ANO7: variants seen among roughly 807,000 people sequenced by gnomAD.
ANO7 encodes the protein anoctamin-7.
Under a neutral mutation model 115.8 loss-of-function variants are expected in ANO7, and 114 were observed. That is an observed-to-expected ratio of 0.98 (90% CI 0.85 to 1.15). The LOEUF (loss-of-function observed/expected upper bound fraction) is 1.15. Among genes scored for constraint, ANO7 ranks in the 50% most tolerant of loss-of-function variants. The pLI is 0.00. For synonymous variants in ANO7, 550 were observed against 498.2 expected (o/e 1.10, Z -1.38); for missense variants, 1,302 against 1,201.2 (o/e 1.08, Z -1.24).
chr2:241,236,865 C>T, the ANO7 span: 3 of 1,328,502 alleles, frequency 2.3e-6, no homozygotes, highest in African/African-American at 1.5e-5. Context: ...CTGCTGGGTG[C>T]TGGGTGGTAA....
intron 4 of ANO7, among the ~76,000 whole-genome samples, chr2:241,197,756 T>G (rs971901569): frequency 6.6e-6 from 1 of 151,896 alleles, no homozygotes; most frequent in Non-Finnish European, 1.5e-5. Context: ...GTTCAAGTGA[T>G]TCTCCTGCCT....
In ANO7 at chr2:241,225,813, G is replaced by A. The variant is rs73013878; in HGVS notation, c.*1660G>A. Among the ~76,000 whole-genome samples, 2 of 152,308 alleles carry A rather than the reference G, an allele frequency of 1.3e-5. No individual in the cohort carries two copies. The highest frequency in any genetic ancestry group is 2.9e-5 in the Non-Finnish European group (2 of 68,020). On this transcript the variant is annotated 3_prime_UTR_variant, in exon 25 of 25. Transcript: ENST00000674324. Reference sequence around the variant, plus strand: ...GGCTGGACACCACCGGCCGGAGCATGGCGGACAGCACACACGGCCCGGGGC... The same window carrying A: ...GGCTGGACACCACCGGCCGGAGCATAGCGGACAGCACACACGGCCCGGGGC...
intron 19 of ANO7, 116 bp from the exon 20 acceptor site, chr2:241,217,570 T>A: frequency 8.3e-7 from 1 of 1,209,536 alleles, no homozygotes. Flanking sequence ...GGGGGCGGAA[T>A]GAGCCGCGAT....
chr2:241,233,121 G>C, the ANO7 span, among the ~76,000 whole-genome samples: 2 of 152,208 alleles, frequency 1.3e-5, no homozygotes, highest in East Asian at 3.9e-4. This position sits in a 1 kb window ranked among gnomAD's most constrained non-coding sequence, Gnocchi z 4.3. Flanking sequence ...ACCAAGGCTT[G>C]CTAGTCTCCC....
chr2:241,227,930 G>A (rs1278397845), downstream of ANO7: 1 of 152,248 alleles, frequency 6.6e-6, no homozygotes, highest in Admixed American at 6.5e-5. Flanking sequence ...CCTAGCCTAT[G>A]AAGCTGGAAG....
chr2:241,194,531 G>A (rs1486448036), intron 3 of ANO7, among the ~76,000 whole-genome samples: 5 of 151,622 alleles, frequency 3.3e-5, no homozygotes, highest in African/African-American at 4.8e-5. Context: ...TGTTAGCCAG[G>A]ATGGTCTTGA....
chr2:241,216,380 G>C (rs918627789), intron 19 of ANO7, 142 bp downstream of exon 19: 1 of 1,156,976 alleles, frequency 8.6e-7, no homozygotes, highest in Admixed American at 3.1e-5. Context: ...TGGGAACAGA[G>C]GGTCGGGCCT....
intron 6 of ANO7, 129 bp from the exon 7 acceptor site, chr2:241,201,169 G>A (rs1356673903): frequency 7.5e-6 from 8 of 1,073,398 alleles, no homozygotes; most frequent in Non-Finnish European, 7.7e-6. Flanking sequence ...GTGCTTCTGC[G>A]TGCGCGCCAG....
Position 241,210,319 on chromosome 2 carries a change from G to A in ANO7, c.1384G>A (p.Val462Met), listed in dbSNP as rs377383184. ...GGTGGCCGTGGTGGTCATGTGCCTCGTGTCTATCATCCTGTACCGTGCCAT... is the reference window on the plus strand; with the variant it reads ...GGTGGCCGTGGTGGTCATGTGCCTCATGTCTATCATCCTGTACCGTGCCAT... ...VMVAVVVMCLVSIILYRAIMA... is the reference protein window; with the variant it reads ...VMVAVVVMCLMSIILYRAIMA... Residue 462 changes from valine to methionine, a missense_variant, in exon 14 of 25, where the codon GTG becomes ATG. Physicochemically the swap from Val to Met is conservative, Grantham distance 21. Coordinates refer to ENST00000674324, the MANE Select transcript of ANO7 (RefSeq NM_001370694.2). The A allele has an allele frequency of 1.0e-4, 162 of 1,613,880 alleles. 2 individuals are homozygous for A. Among genetic ancestry groups the A allele is most frequent in the South Asian group, 3.7e-4 (34 of 91,094 alleles).
At chr2:241,218,834 G>C (rs2068936463) in intron 21 of ANO7, among the ~76,000 whole-genome samples, 1 of 152,222 alleles carries the variant, frequency 6.6e-6, no homozygotes, top group Non-Finnish European at 1.5e-5. Context: ...TGAGGAACGT[G>C]ACTGTGGGCT....
intron 13 of ANO7, 128 bp downstream of exon 13, chr2:241,209,763 C>A: frequency 7.6e-7 from 1 of 1,307,294 alleles, no homozygotes; most frequent in Non-Finnish European, 1.0e-6. Context: ...TCACTCCCCG[C>A]AGAGAGGCCC....
chr2:241,226,582 A>G (rs2069179385), downstream of ANO7, among the ~76,000 whole-genome samples: 1 of 151,378 alleles, frequency 6.6e-6, no homozygotes, highest in African/African-American at 2.4e-5. Context: ...CCGCCACCAC[A>G]CCCAGCTAAT....
At chr2:241,219,005 C>G (rs1394667085) in intron 21 of ANO7, among the ~76,000 whole-genome samples, 1 of 149,830 alleles carries the variant, frequency 6.7e-6, no homozygotes, top group Non-Finnish European at 1.5e-5. Flanking sequence ...TATTTATCTT[C>G]TGTTTCTTTC....
intron 8 of ANO7, 68 bp downstream of exon 8, chr2:241,202,372 C>A: frequency 6.8e-7 from 1 of 1,474,522 alleles, no homozygotes; most frequent in Non-Finnish European, 9.4e-7. Context: ...CTGTTGGCCC[C>A]CAGGGAGGCG....
the ANO7 span, chr2:241,236,895 C>T: frequency 1.4e-5 from 13 of 932,522 alleles, no homozygotes; most frequent in Non-Finnish European, 1.6e-5. Flanking sequence ...AAAACCACTC[C>T]TGTCCTTCAG....
the ANO7 span, among the ~76,000 whole-genome samples, chr2:241,231,946 C>T: frequency 2.9e-4 from 44 of 149,350 alleles, 1 homozygote; most frequent in African/African-American, 9.5e-4. Flanking sequence ...AATCACAACA[C>T]GGAACCATCA....
the ANO7 span, chr2:241,236,801 A>G: frequency 6.2e-7 from 1 of 1,608,144 alleles, no homozygotes; most frequent in Admixed American, 1.7e-5. Flanking sequence ...GACAGCTGAC[A>G]GCTGCTGGAA....
intron 21 of ANO7, among the ~76,000 whole-genome samples, chr2:241,222,395 C>A (rs2069045164): frequency 6.6e-6 from 1 of 152,002 alleles, no homozygotes; most frequent in Non-Finnish European, 1.5e-5. Context: ...CCATTGTCGT[C>A]TGGAACTCCC....
chr2:241,206,611 C>A (rs1175365892), intron 10 of ANO7, among the ~76,000 whole-genome samples: 7 of 53,302 alleles, frequency 1.3e-4, no homozygotes, highest in Admixed American at 1.9e-4. Flanking sequence ...GGAGTGCTCC[C>A]AGGCTGACAG....
Sources: gnomAD v4.1 joint callset for allele counts (sites outside exome capture counted in the v4.1 genomes callset) on GRCh38, gnomAD v4.1.1 for gene constraint, Gnocchi (gnomAD v3.1) non-coding constraint, MANE v1.5 for transcripts, NCBI Gene and HGNC (gene_info 2026-07-23, HGNC 2026-07-21) for gene names.